The following ATP1B1 variants were observed in gnomAD, a reference collection of about 807,000 sequenced individuals.
ATP1B1 encodes ATPase Na+/K+ transporting subunit beta 1.
ATP1B1 carries 3 observed loss-of-function variants against 39.6 expected under a neutral mutation model. The observed-to-expected ratio is 0.08, with a 90% CI of 0.03 to 0.20. The LOEUF (loss-of-function observed/expected upper bound fraction) is 0.20, where lower values mean the gene tolerates loss of function less well. Ranked by LOEUF, ATP1B1 falls within the 10% of genes least tolerant of loss-of-function variation. The pLI is 1.00. For synonymous variants in ATP1B1, 139 were observed against 135.0 expected, an observed-to-expected ratio of 1.03 and a Z score of -0.20; for missense variants, 216 against 371.1, an observed-to-expected ratio of 0.58 and a Z score of 3.43.
chr1:169,110,593 G>C, intron 1 of ATP1B1: 1 of 263,154 alleles, frequency 3.8e-6, no homozygotes, highest in Non-Finnish European at 4.6e-6. Flanking sequence ...TTTTGCTTTT[G>C]CAGCTATTTC....
chr1:169,112,433 CACTT>C (rs989687339), intron 2 of ATP1B1, among the ~76,000 whole-genome samples: 9 of 152,248 alleles, frequency 5.9e-5, no homozygotes, highest in Non-Finnish European at 1.0e-4. Flanking sequence ...TCCGGGCTCT[CACTT>C]ACGAATGACC....
intron 2 of ATP1B1, 36 bp downstream of exon 2, chr1:169,111,534 G>GAT: frequency 6.3e-7 from 1 of 1,598,452 alleles, no homozygotes; most frequent in Non-Finnish European, 8.5e-7. Context: ...TTCCTTCAGA[G>GAT]ATAGCATGGG....
At chr1:169,123,538 A>G (rs186169021) in intron 2 of ATP1B1, among the ~76,000 whole-genome samples, 4 of 151,916 alleles carry the variant, frequency 2.6e-5, no homozygotes, top group Admixed American at 1.3e-4. Flanking sequence ...ATAAAAATAC[A>G]GGGTGCCCAC....
chr1:169,119,663 G>A (rs1010171652), intron 2 of ATP1B1, among the ~76,000 whole-genome samples: 1 of 152,172 alleles, frequency 6.6e-6, no homozygotes. Context: ...GGAGAATTTG[G>A]GTGTGGCCTC....
intron 2 of ATP1B1, among the ~76,000 whole-genome samples, chr1:169,112,669 CATT>C (rs1657751915): frequency 6.6e-6 from 1 of 152,128 alleles, no homozygotes; most frequent in Non-Finnish European, 1.5e-5. Context: ...AGGTGGCAAG[CATT>C]GTTGTGTAGC....
In ATP1B1 at chr1:169,106,815, T is replaced by G; in HGVS notation, c.-15T>G. 1.3e-6 allele frequency: 2 copies of G among 1,570,016 alleles called. No homozygotes were observed. The highest frequency in any genetic ancestry group is 1.7e-6 in the Non-Finnish European group (2 of 1,161,274). On this transcript the variant is annotated 5_prime_UTR_variant, in exon 1 of 6. Coordinates refer to ENST00000367815, the MANE Select transcript of ATP1B1 (RefSeq NM_001677.4). ...CCACCCTCCGGACCGCGGCAGCTGCTGACCCGCCATCGCCATGGCCCGCGG... is the reference window on the plus strand; with the variant it reads ...CCACCCTCCGGACCGCGGCAGCTGCGGACCCGCCATCGCCATGGCCCGCGG...
chr1:169,123,816 G>A (rs1328894686), intron 2 of ATP1B1, among the ~76,000 whole-genome samples: 3 of 151,836 alleles, frequency 2.0e-5, no homozygotes, highest in Non-Finnish European at 2.9e-5. Flanking sequence ...TAGTAGAGAC[G>A]GAGTTTCACC....
At chr1:169,110,549 C>T (rs1208653232) in intron 1 of ATP1B1, 3 of 956,204 alleles carry the variant, frequency 3.1e-6, no homozygotes, top group East Asian at 6.2e-5. Flanking sequence ...CACCCTCATT[C>T]CCATCTATGT....
At chr1:169,117,328 G>T (rs922134671) in intron 2 of ATP1B1, among the ~76,000 whole-genome samples, 6 of 152,166 alleles carry the variant, frequency 3.9e-5, no homozygotes, top group Admixed American at 6.5e-5. Flanking sequence ...AAGGGTTTGT[G>T]GGGGGAACTC....
At chr1:169,115,675 A>G (rs769145882) in intron 2 of ATP1B1, among the ~76,000 whole-genome samples, 91 of 152,144 alleles carry the variant, frequency 6.0e-4, no homozygotes, top group East Asian at 3.9e-4. Flanking sequence ...CTATCTTTCT[A>G]CTAGAAGCAG....
chr1:169,120,297 C>A (rs1318072364), intron 2 of ATP1B1, among the ~76,000 whole-genome samples: 2 of 152,066 alleles, frequency 1.3e-5, no homozygotes, highest in African/African-American at 4.8e-5. Flanking sequence ...AAACCCAGAC[C>A]ATCTGTTTTT....
chr1:169,109,328 C>T (rs575490427), intron 1 of ATP1B1, among the ~76,000 whole-genome samples: 174 of 152,222 alleles, frequency 1.1e-3, no homozygotes, highest in Non-Finnish European at 2.2e-3. Flanking sequence ...CTCTCAGCTC[C>T]CCTCACAGTG....
chr1:169,117,060 ACATTTGGCTTC>A (rs1432347486), intron 2 of ATP1B1, among the ~76,000 whole-genome samples: 2 of 152,170 alleles, frequency 1.3e-5, no homozygotes, highest in East Asian at 3.8e-4. Flanking sequence ...GAAATTAGAA[ACATTTGGCTTC>A]CTTATACTTT....
intron 2 of ATP1B1, among the ~76,000 whole-genome samples, chr1:169,121,360 G>C (rs1359491793): frequency 6.6e-6 from 1 of 152,162 alleles, no homozygotes; most frequent in Non-Finnish European, 1.5e-5. Flanking sequence ...GAATGCACTA[G>C]CCTTATCATT....
chr1:169,109,953 T>C lies in ATP1B1; in HGVS notation c.98-1417T>C, dbSNP rs558492010. Among the ~76,000 whole-genome samples the C allele has an allele frequency of 2.6e-5, 4 of 152,234 alleles. No individual in the cohort carries two copies. In the East Asian group the frequency reaches 7.7e-4, roughly 29 times the overall value. ...GATACAGAATGCAGCACTTAACCCT[T>C]GTCCTGCGGGGAGGGAGTGATTGAG... On this transcript the variant is annotated intron_variant, in intron 1 of 5. Transcript: ENST00000367815.
At chr1:169,119,747 T>A (rs1657933730) in intron 2 of ATP1B1, among the ~76,000 whole-genome samples, 1 of 152,088 alleles carries the variant, frequency 6.6e-6, no homozygotes, top group Admixed American at 6.6e-5. Flanking sequence ...ATACTGTGAG[T>A]CAAAAATGCA....
intron 2 of ATP1B1, among the ~76,000 whole-genome samples, chr1:169,115,809 A>C (rs1476032549): frequency 6.6e-6 from 1 of 152,248 alleles, no homozygotes; most frequent in Non-Finnish European, 1.5e-5. Context: ...TTTGGGAAAC[A>C]TGTTTTTAAA....
chr1:169,109,268 C>T (rs1020224838), intron 1 of ATP1B1, among the ~76,000 whole-genome samples: 2 of 152,042 alleles, frequency 1.3e-5, no homozygotes, highest in African/African-American at 4.8e-5. Context: ...CTCTGTATTA[C>T]TTTTTTTTAA....
In ATP1B1 at chr1:169,106,730, G is replaced by C; in HGVS notation, c.-100G>C. 3 of 944,094 alleles carry C rather than the reference G, an allele frequency of 3.2e-6. No individual in the cohort carries two copies. The South Asian group carries it at 5.7e-5, about 18-fold the overall frequency. The allele number at this position is 944,094 out of a possible 1,614,324, so 58.5% of individuals were successfully genotyped here. ...GCGGCAGCGGCGCGTCCTGCCTGCAGAGAGCCAGGCCGGAGAAGCCGAGCG... is the reference window on the plus strand; with the variant it reads ...GCGGCAGCGGCGCGTCCTGCCTGCACAGAGCCAGGCCGGAGAAGCCGAGCG... On this transcript the variant is annotated 5_prime_UTR_variant, in exon 1 of 6. Transcript: ENST00000367815.
Sources: gnomAD v4.1 joint callset for allele counts (sites outside exome capture counted in the v4.1 genomes callset) on GRCh38, gnomAD v4.1.1 for gene constraint, MANE v1.5 for transcripts, NCBI Gene and HGNC (gene_info 2026-07-23, HGNC 2026-07-21) for gene names.